Variants in TPM1 observed in about 807,000 individuals in gnomAD.
TPM1 encodes tropomyosin 1.
A neutral mutation model predicts 42.9 loss-of-function variants in TPM1; 24 were observed. The observed-to-expected ratio is 0.56, with a 90% CI of 0.41 to 0.79. The LOEUF (loss-of-function observed/expected upper bound fraction) is 0.79, where lower values mean the gene tolerates loss of function less well. Among genes scored for constraint, TPM1 ranks in the 30% least tolerant of loss-of-function variants. The pLI is 0.00. For synonymous variants in TPM1, 136 were observed against 130.1 expected, an observed-to-expected ratio of 1.05 and a Z score of -0.31; for missense variants, 158 against 351.8, an observed-to-expected ratio of 0.45 and a Z score of 4.41.
At chr15:63,053,423 G>A (rs7170462) in intron 2 of TPM1, among the ~76,000 whole-genome samples, 28,717 of 152,058 alleles carry the variant, frequency 0.19, 2,935 homozygotes, top group Middle Eastern at 0.28. Flanking sequence ...ACATAGTGGA[G>A]AGCCGGCATG....
chr15:63,042,778 C>A lies in TPM1; in HGVS notation c.-52C>A, dbSNP rs1002469260. ...ACTCCCGCTCCTCCGCCCGACCGCG[C>A]GCTCGCCCCGCCGCTCCTGCTGCAG... On this transcript the variant is annotated 5_prime_UTR_variant, in exon 1 of 10. Transcript: ENST00000403994. 2 of 1,516,660 alleles carry A rather than the reference C, an allele frequency of 1.3e-6. No individual in the cohort carries two copies. The highest frequency in any genetic ancestry group is 4.6e-5 in the East Asian group (2 of 43,810). 94.0% of individuals were successfully genotyped at this position (1,516,660 alleles called of 1,614,324 possible).
intron 1 of TPM1, 21 bp downstream of exon 1, chr15:63,042,964 G>A: frequency 6.4e-7 from 1 of 1,571,088 alleles, no homozygotes; most frequent in South Asian, 1.2e-5. Flanking sequence ...CCCCGGCCCT[G>A]CGCCCGCGCC....
At position 63,042,847 on chromosome 15, in the gene TPM1, G is replaced by A. The variant is rs753446292; in HGVS notation, c.18G>A (p.Lys6=). The change falls in exon 1 of 10, where the codon AAG becomes AAA. Residue 6 remains lysine (K), a synonymous_variant. Transcript: ENST00000403994. MDAIK[K]KMQMLKLDKE... is the part of the protein sequence containing the mutation. Reference sequence around the variant, plus strand: ...CCGCCACCATGGACGCCATCAAGAAGAAGATGCAGATGCTGAAGCTCGACA... The same window carrying A: ...CCGCCACCATGGACGCCATCAAGAAAAAGATGCAGATGCTGAAGCTCGACA... The A allele has an allele frequency of 1.2e-6, 2 of 1,613,320 alleles. No individual in the cohort carries two copies. The highest frequency in any genetic ancestry group is 1.1e-5 in the South Asian group (1 of 91,066).
At chr15:63,063,026 A>G in intron 8 of TPM1, 1 of 1,333,498 alleles carries the variant, frequency 7.5e-7, no homozygotes, top group Non-Finnish European at 9.5e-7. Flanking sequence ...TTGTTTTTAG[A>G]AGAACCCATC....
Position 63,044,022 on chromosome 15 carries a change from C to T in TPM1, c.115-5C>T. The T allele has an allele frequency of 6.2e-7, 1 of 1,613,724 alleles. No individual in the cohort carries two copies. The highest frequency in any genetic ancestry group is 8.5e-7 in the Non-Finnish European group (1 of 1,179,824). ...CCCTCCCTGTACCCCCTGGCCAACT[C>T]CCAGCTGGAAGATGAGCTGGTGTCA... is the stretch of plus-strand genomic sequence containing the variant. On this transcript the variant is annotated splice_region_variant and splice_polypyrimidine_tract_variant and intron_variant, in intron 1 of 9. Coordinates refer to ENST00000403994, the MANE Select transcript of TPM1 (RefSeq NM_001018005.2).
intron 5 of TPM1, 169 bp from the exon 6 acceptor site, chr15:63,061,544 G>A (rs780199538): frequency 3.5e-4 from 265 of 760,304 alleles, no homozygotes; most frequent in Admixed American, 1.2e-3. Context: ...AGGTTGGGGG[G>A]CAGTGTTCCT....
In TPM1 at chr15:63,061,796, A is replaced by G. The variant is rs1596382540; in HGVS notation, c.639+8A>G. 6 of 1,613,982 alleles carry G rather than the reference A, an allele frequency of 3.7e-6. No homozygotes were observed. Among genetic ancestry groups the G allele is most frequent in the Non-Finnish European group, 5.1e-6 (6 of 1,179,854 alleles). On this transcript the variant is annotated splice_region_variant and intron_variant, in intron 6 of 9. Transcript: ENST00000403994. ...GAGGCTCAGGCTGAGAAGGTAGGCC[A>G]GGAGGATGGTGTGGGGGAAAGGCAT... is the stretch of plus-strand genomic sequence containing the variant.
intron 2 of TPM1, among the ~76,000 whole-genome samples, chr15:63,053,444 AGTG>A (rs1295930422): frequency 5.6e-4 from 85 of 152,268 alleles, no homozygotes; most frequent in African/African-American, 2.0e-3. Context: ...CTGGGAGCCT[AGTG>A]ACTTGGATCT....
chr15:63,048,583 G>T lies in TPM1; in HGVS notation c.240+4431G>T. The T allele has an allele frequency of 3.3e-6, 5 of 1,528,800 alleles. No individual in the cohort carries two copies. The South Asian group carries it at 6.0e-5, about 18-fold the overall frequency. The allele number at this position is 1,528,800 out of a possible 1,614,324, so 94.7% of individuals were successfully genotyped here. On this transcript the variant is annotated intron_variant, in intron 2 of 9. Transcript: ENST00000403994. ...CGCCTACCGTCCGGCGCGATGGCGG[G>T]GAGTAGCTCGCTGGAGGCGGTGCGC...
intron 2 of TPM1, chr15:63,054,310 C>G (rs1354421411): frequency 6.6e-6 from 1 of 152,100 alleles, no homozygotes; most frequent in Non-Finnish European, 1.5e-5. Flanking sequence ...ACAGAATGCC[C>G]CTGGGGAAAC....
chr15:63,068,799 C>T (rs1390088241), downstream of TPM1, among the ~76,000 whole-genome samples: 1 of 152,140 alleles, frequency 6.6e-6, no homozygotes, highest in African/African-American at 2.4e-5. Flanking sequence ...TTGCAAGTTT[C>T]GTTCATTTTA....
chr15:63,062,923 G>A (rs893455390), intron 8 of TPM1: 2 of 1,453,318 alleles, frequency 1.4e-6, no homozygotes, highest in African/African-American at 2.9e-5. Context: ...TTCACTGTGA[G>A]TGAGGTGCTT....
chr15:63,062,826 C>A, intron 8 of TPM1, 181 bp downstream of exon 8: 1 of 1,534,336 alleles, frequency 6.5e-7, no homozygotes, highest in South Asian at 1.2e-5. Flanking sequence ...GTCTTCTGCT[C>A]ACGAGGTGAC....
At chr15:63,056,735 T>G in intron 2 of TPM1, 2 of 524,888 alleles carry the variant, frequency 3.8e-6, no homozygotes, top group Non-Finnish European at 6.9e-6. Flanking sequence ...CGTTTGCTAA[T>G]GATCTGTCTG....
intron 9 of TPM1, 168 bp downstream of exon 9, chr15:63,064,310 G>C (rs559473634): frequency 6.6e-7 from 1 of 1,512,480 alleles, no homozygotes; most frequent in East Asian, 2.5e-5. Context: ...CTAATATAAA[G>C]GCCAATTAGA....
At chr15:63,070,290 G>GTATA (rs1555411993), downstream of TPM1, 16,852 of 492,974 alleles carry the variant, frequency 0.034, 1,056 homozygotes, top group Admixed American at 0.19. Flanking sequence ...CTTTAAGTAT[G>GTATA]TATATATATA....
At chr15:63,046,137 C>G (rs1410927956) in intron 2 of TPM1, 1 of 152,220 alleles carries the variant, frequency 6.6e-6, no homozygotes, top group African/African-American at 2.4e-5. Flanking sequence ...AGGCTACAAA[C>G]TTGTACAGTG....
At chr15:63,056,825 C>T (rs1596359617) in intron 2 of TPM1, 160 bp from the exon 3 acceptor site, 8 of 902,016 alleles carry the variant, frequency 8.9e-6, no homozygotes, top group South Asian at 1.4e-5. Flanking sequence ...TAAATGTGTC[C>T]GAGAACTCCA....
chr15:63,049,298 C>T (rs1283122824), intron 2 of TPM1: 1 of 156,128 alleles, frequency 6.4e-6, no homozygotes, highest in Non-Finnish European at 1.4e-5. Context: ...TAGTGCAAAA[C>T]CCTTAACCCG....
Sources: gnomAD v4.1 joint callset for allele counts (sites outside exome capture counted in the v4.1 genomes callset) on GRCh38, gnomAD v4.1.1 for gene constraint, MANE v1.5 for transcripts, NCBI Gene and HGNC (gene_info 2026-07-23, HGNC 2026-07-21) for gene names.